The following IFFO2 variants were observed in gnomAD, a reference collection of about 807,000 sequenced individuals.
IFFO2 encodes the protein intermediate filament family orphan 2.
A neutral mutation model predicts 53.5 loss-of-function variants in IFFO2; 19 were observed. The ratio of observed to expected loss-of-function variants is 0.36; its 90% CI spans 0.25 to 0.52. IFFO2 has a LOEUF of 0.52. Ranked by LOEUF, IFFO2 falls within the 20% of genes least tolerant of loss-of-function variation. IFFO2 has a pLI of 0.94. For missense variants in IFFO2, 570 were observed against 727.4 expected (o/e 0.78, Z 2.49); for synonymous variants, 303 against 313.6 (o/e 0.97, Z 0.36).
At chr1:18,929,589 C>T (rs375399171) in intron 1 of IFFO2, among the ~76,000 whole-genome samples, 5 of 152,100 alleles carry the variant, frequency 3.3e-5, no homozygotes, top group African/African-American at 9.7e-5. Context: ...ACATTCCCCC[C>T]ACTTGTTTCC....
chr1:18,916,794 T>G lies in IFFO2; in HGVS notation c.1103+109A>C. 7.6e-7 allele frequency: 1 copy of G among 1,318,016 alleles called. No homozygotes were observed. 81.6% of individuals were successfully genotyped at this position (1,318,016 alleles called of 1,614,324 possible). On this transcript the variant is annotated intron_variant, in intron 5 of 8. Transcript: ENST00000455833. The surrounding 1 kb of genome is among the most constrained non-coding windows in gnomAD (Gnocchi z 4.3). ...TCTCAAAAAAAAAAAGGAAATGAAT[T>G]CAAATTCTTCCAGTGCTGCAGGCTA... is the stretch of plus-strand genomic sequence containing the variant.
intron 1 of IFFO2, among the ~76,000 whole-genome samples, chr1:18,929,337 C>G (rs1224994076): frequency 6.6e-6 from 1 of 152,234 alleles, no homozygotes; most frequent in Non-Finnish European, 1.5e-5. Context: ...CACCCTGGCT[C>G]TACCCACCTG....
rs1050959294 is a variant in IFFO2, at chr1:18,905,916, A to G, written c.*2645T>C. 3 of 152,250 alleles carry G rather than the reference A, an allele frequency of 2.0e-5. No homozygotes were observed. The highest frequency in any genetic ancestry group is 2.0e-4 in the Admixed American group (3 of 15,288). 9.4% of individuals were successfully genotyped at this position (152,250 alleles called of 1,614,324 possible). On this transcript the variant is annotated 3_prime_UTR_variant, in exon 9 of 9. Coordinates refer to ENST00000455833, the MANE Select transcript of IFFO2 (RefSeq NM_001136265.2). ...GTCAAAATTAAGTATTTACAGCTTTACAAAGGATGGACCAATTCGTCCCAG... is the reference window on the plus strand; with the variant it reads ...GTCAAAATTAAGTATTTACAGCTTTGCAAAGGATGGACCAATTCGTCCCAG...
In IFFO2 at chr1:18,917,234, G is replaced by C. The variant is rs1262319738; in HGVS notation, c.964-192C>G. On this transcript the variant is annotated intron_variant, in intron 4 of 8. Coordinates refer to ENST00000455833, the MANE Select transcript of IFFO2 (RefSeq NM_001136265.2). The surrounding 1 kb of genome is among the most constrained non-coding windows in gnomAD (Gnocchi z 5.9). ...AAGCGCGAGGTGGGAGACATGCAGG[G>C]GGACACAGACGGCCTGGACTCTTCC... Among the ~76,000 whole-genome samples, 2 of 152,196 alleles carry C rather than the reference G, an allele frequency of 1.3e-5. No homozygotes were observed. Among genetic ancestry groups the C allele is most frequent in the Non-Finnish European group, 2.9e-5 (2 of 68,036 alleles).
intron 5 of IFFO2, among the ~76,000 whole-genome samples, chr1:18,914,285 T>TG (rs1936098606): frequency 6.6e-6 from 1 of 152,220 alleles, no homozygotes; most frequent in African/African-American, 2.4e-5. Flanking sequence ...CCTTTGCCCA[T>TG]GGGGCCCCCT....
chr1:18,924,057 C>T (rs1335597810), intron 1 of IFFO2, among the ~76,000 whole-genome samples: 3 of 152,230 alleles, frequency 2.0e-5, no homozygotes, highest in Non-Finnish European at 4.4e-5. Context: ...AGGTTGAGGA[C>T]AGACCCCGCA....
intron 1 of IFFO2, among the ~76,000 whole-genome samples, chr1:18,945,259 C>CT (rs1491322349): frequency 4.6e-5 from 7 of 152,148 alleles, no homozygotes; most frequent in Non-Finnish European, 1.0e-4. Flanking sequence ...ACCTCCGAGA[C>CT]TCTCTGGTCG....
At chr1:18,925,508 C>G (rs979496847) in intron 1 of IFFO2, among the ~76,000 whole-genome samples, 4 of 152,208 alleles carry the variant, frequency 2.6e-5, no homozygotes, top group African/African-American at 4.8e-5. Flanking sequence ...TTCCCCACCG[C>G]CACCGGGGGC....
chr1:18,938,292 A>C (rs1200663028), intron 1 of IFFO2, among the ~76,000 whole-genome samples: 1 of 152,212 alleles, frequency 6.6e-6, no homozygotes, highest in Non-Finnish European at 1.5e-5. Context: ...ACCAGTGCCT[A>C]ACATTATTTT....
In IFFO2 at chr1:18,918,269, G is replaced by A. The variant is rs1421291598; in HGVS notation, c.963+93C>T. On this transcript the variant is annotated intron_variant, in intron 4 of 8. Coordinates refer to ENST00000455833, the MANE Select transcript of IFFO2 (RefSeq NM_001136265.2). This position sits in a 1 kb window ranked among gnomAD's most constrained non-coding sequence, Gnocchi z 5.2. Reference sequence around the variant, plus strand: ...GGGAAGGGGAGGGAGTGAGTGGGATGTGGAGGCAAACGGGTTGGCCGGGCA... The same window carrying A: ...GGGAAGGGGAGGGAGTGAGTGGGATATGGAGGCAAACGGGTTGGCCGGGCA... 1.6e-6 allele frequency: 2 copies of A among 1,261,556 alleles called. No individual in the cohort carries two copies. Among genetic ancestry groups the A allele is most frequent in the East Asian group, 2.6e-5 (1 of 39,138 alleles). The allele number at this position is 1,261,556 out of a possible 1,614,324, so 78.1% of individuals were successfully genotyped here.
At chr1:18,934,286 G>C (rs1379518111) in intron 1 of IFFO2, among the ~76,000 whole-genome samples, 2 of 151,692 alleles carry the variant, frequency 1.3e-5, no homozygotes, top group African/African-American at 4.9e-5. Context: ...CTGTCCAGCA[G>C]GTCTCGAACT....
At position 18,918,572 on chromosome 1, in the gene IFFO2, G is replaced by C; in HGVS notation, c.823-70C>G. On this transcript the variant is annotated intron_variant, in intron 3 of 8. Coordinates refer to ENST00000455833, the MANE Select transcript of IFFO2 (RefSeq NM_001136265.2). The surrounding 1 kb of genome is among the most constrained non-coding windows in gnomAD (Gnocchi z 5.2). Reference sequence around the variant, plus strand: ...AGCCTGGGGGGCTTGGCAGAGAGGTGGGGAGACCCCTAGGTGTCAGCAGGG... The same window carrying C: ...AGCCTGGGGGGCTTGGCAGAGAGGTCGGGAGACCCCTAGGTGTCAGCAGGG... The C allele has an allele frequency of 2.0e-6, 3 of 1,508,352 alleles. No individual in the cohort carries two copies. The highest frequency in any genetic ancestry group is 2.7e-6 in the Non-Finnish European group (3 of 1,110,868). The allele number at this position is 1,508,352 out of a possible 1,614,324, so 93.4% of individuals were successfully genotyped here.
rs375589746 is a variant in IFFO2 at position 18,908,645 on chromosome 1, G to A, written c.1470C>T (p.Ser490=). ...SADRNSPSPS[S]VASSDSGSTD... Reference sequence around the variant, plus strand: ...TACTTCCTGAGTCGCTGCTGGCCACGGAGCTGGGGGACGGTGAATTCCTGA... The same window carrying A: ...TACTTCCTGAGTCGCTGCTGGCCACAGAGCTGGGGGACGGTGAATTCCTGA... The change falls in exon 9 of 9, where the codon TCC becomes TCT. Residue 490 remains serine, a synonymous_variant. Coordinates refer to ENST00000455833, the MANE Select transcript of IFFO2 (RefSeq NM_001136265.2). 125 of 1,551,506 alleles carry A rather than the reference G, an allele frequency of 8.1e-5. No individual in the cohort carries two copies. In the African/African-American group the frequency reaches 1.4e-3, roughly 18 times the overall value.
chr1:18,914,731 G>GACCC (rs1401653625), intron 5 of IFFO2, among the ~76,000 whole-genome samples: 5 of 150,066 alleles, frequency 3.3e-5, no homozygotes, highest in Admixed American at 1.3e-4. Flanking sequence ...ACTGAGGCAG[G>GACCC]AGAATTGCTT....
In IFFO2 at chr1:18,917,833, G is replaced by C. The variant is rs1400505013; in HGVS notation, c.963+529C>G. The stretch of plus-strand genomic sequence containing the variant: ...CTCTCGGGGGCACCCACACTTGCAC[G>C]TTAGGTCGGGGGGGTATCGAGAGCC... On this transcript the variant is annotated intron_variant, in intron 4 of 8. Coordinates refer to ENST00000455833, the MANE Select transcript of IFFO2 (RefSeq NM_001136265.2). This position sits in a 1 kb window ranked among gnomAD's most constrained non-coding sequence, Gnocchi z 5.9. Among the ~76,000 whole-genome samples, 1 of 152,188 alleles carries C rather than the reference G, an allele frequency of 6.6e-6. No homozygotes were observed. The highest frequency in any genetic ancestry group is 1.5e-5 in the Non-Finnish European group (1 of 68,034).
At chr1:18,949,197 C>T (rs1431277266) in intron 1 of IFFO2, among the ~76,000 whole-genome samples, 1 of 152,242 alleles carries the variant, frequency 6.6e-6, no homozygotes, top group Non-Finnish European at 1.5e-5. Context: ...TCACAGCAGC[C>T]AGACACAGAG....
Position 18,917,513 on chromosome 1 carries a change from A to G in IFFO2, c.964-471T>C, listed in dbSNP as rs1222630087. Among the ~76,000 whole-genome samples, 1 of 152,130 alleles carries G rather than the reference A, an allele frequency of 6.6e-6. No individual in the cohort carries two copies. Among genetic ancestry groups the G allele is most frequent in the Non-Finnish European group, 1.5e-5 (1 of 68,010 alleles). On this transcript the variant is annotated intron_variant, in intron 4 of 8. Coordinates refer to ENST00000455833, the MANE Select transcript of IFFO2 (RefSeq NM_001136265.2). The surrounding 1 kb of genome is among the most constrained non-coding windows in gnomAD (Gnocchi z 5.9). ...CCGAAAGCTTCCACTCCAAGCAGAC[A>G]AGCCACGAGCAAACGAAGGCTGCGT... is the stretch of plus-strand genomic sequence containing the variant.
chr1:18,949,806 TGA>T (rs1433184118), intron 1 of IFFO2, among the ~76,000 whole-genome samples: 1 of 152,192 alleles, frequency 6.6e-6, no homozygotes, highest in Non-Finnish European at 1.5e-5. Flanking sequence ...TACATGTGTG[TGA>T]GTGTGAGTGT....
At chr1:18,926,000 A>ATTGGTTGG (rs1557643257) in intron 1 of IFFO2, among the ~76,000 whole-genome samples, 3 of 9,182 alleles carry the variant, frequency 3.3e-4, no homozygotes, top group Non-Finnish European at 6.8e-4. Flanking sequence ...GGATGGATGG[A>ATTGGTTGG]TTGGTTGGAT....
Sources: gnomAD v4.1 joint callset for allele counts (sites outside exome capture counted in the v4.1 genomes callset) on GRCh38, gnomAD v4.1.1 for gene constraint, Gnocchi (gnomAD v3.1) non-coding constraint, MANE v1.5 for transcripts, NCBI Gene and HGNC (gene_info 2026-07-23, HGNC 2026-07-21) for gene names.